MGAT5: variants seen among roughly 807,000 people sequenced by gnomAD.
The protein encoded by MGAT5 is alpha-1,6-mannosylglycoprotein 6-beta-N-acetylglucosaminyltransferase A.
In MGAT5, 30 loss-of-function variants were observed where a neutral mutation model predicts 94.3. The ratio of observed to expected loss-of-function variants is 0.32; its 90% CI spans 0.24 to 0.43. The LOEUF (loss-of-function observed/expected upper bound fraction) is 0.43. Among genes scored for constraint, MGAT5 ranks in the 20% least tolerant of loss-of-function variants. The pLI is 1.00. For missense variants in MGAT5, 691 were observed against 905.5 expected (o/e 0.76, Z 3.04); for synonymous variants, 310 against 322.9 (o/e 0.96, Z 0.43).
intron 1 of MGAT5, among the ~76,000 whole-genome samples, chr2:134,202,397 T>A (rs534177835): frequency 9.7e-4 from 148 of 152,348 alleles, no homozygotes; most frequent in African/African-American, 3.1e-3. Flanking sequence ...AGAAATGGCA[T>A]CTATGAAGCA....
At chr2:134,342,719 TAAAAA>T (rs3838499) in intron 7 of MGAT5, among the ~76,000 whole-genome samples, 1 of 138,780 alleles carries the variant, frequency 7.2e-6, no homozygotes, top group African/African-American at 2.7e-5. Flanking sequence ...GTCTCTGTCT[TAAAAA>T]AAAAAAAAAA....
rs75457676 is a variant in MGAT5, at chr2:134,339,484, A to C, written c.807+1064A>C. The stretch of plus-strand genomic sequence containing the variant: ...TTATTTTGATAAACTAAAATTAAAA[A>C]TAAAGGAGATGGTGATGATGGTTGC... On this transcript the variant is annotated intron_variant, in intron 6 of 15. Transcript: ENST00000281923. 5.4e-3 allele frequency among the ~76,000 whole-genome samples: 815 copies of C among 152,324 alleles called. 9 individuals carry two copies. Among genetic ancestry groups the C allele is most frequent in the African/African-American group, 0.019 (774 of 41,582 alleles).
intron 2 of MGAT5, among the ~76,000 whole-genome samples, chr2:134,277,352 CAG>C (rs568466326): frequency 3.7e-4 from 56 of 152,234 alleles, no homozygotes; most frequent in African/African-American, 1.2e-3. Context: ...TTAACTGACT[CAG>C]AGTTCCACAT....
intron 2 of MGAT5, among the ~76,000 whole-genome samples, chr2:134,305,681 CCT>C (rs1432793777): frequency 6.6e-6 from 1 of 152,106 alleles, no homozygotes; most frequent in African/African-American, 2.4e-5. Flanking sequence ...AAAAATCAAA[CCT>C]CTCTTTGAGA....
intron 11 of MGAT5, among the ~76,000 whole-genome samples, chr2:134,407,400 C>A (rs1436517127): frequency 6.9e-6 from 1 of 143,962 alleles, no homozygotes; most frequent in Non-Finnish European, 1.5e-5. Flanking sequence ...TCCTTCCCTC[C>A]CCCTTATCTA....
Position 134,318,668 on chromosome 2 carries a change from C to G in MGAT5, c.502C>G (p.Arg168Gly). The change falls in exon 4 of 16, where the codon CGT becomes GGT. Residue 168 changes from arginine to glycine, a missense_variant. This residue lies in a region of MGAT5 where 307 missense variants were observed against 335.4 expected (regional missense o/e 0.92). Transcript: ENST00000281923. ...GKIKWMKDMW[R>G]SDPCYADYGV... ...GTTTCAGTGGATGAAAGACATGTGG[C>G]GTTCAGATCCCTGCTACGCAGACTA... 6.2e-7 allele frequency: 1 copy of G among 1,613,194 alleles called. No individual in the cohort carries two copies. The highest frequency in any genetic ancestry group is 8.5e-7 in the Non-Finnish European group (1 of 1,179,274).
At chr2:134,285,679 T>G (rs1442906978) in intron 2 of MGAT5, among the ~76,000 whole-genome samples, 2 of 152,236 alleles carry the variant, frequency 1.3e-5, no homozygotes, top group Admixed American at 6.5e-5. Flanking sequence ...CTTCTAACTC[T>G]TGTTTCTTCC....
intron 11 of MGAT5, among the ~76,000 whole-genome samples, 170 bp from the exon 12 acceptor site, chr2:134,412,699 G>A (rs1213291680): frequency 6.6e-6 from 1 of 152,086 alleles, no homozygotes; most frequent in Non-Finnish European, 1.5e-5. Flanking sequence ...TCAGATCCTG[G>A]TGTAAGCTGA....
intron 2 of MGAT5, among the ~76,000 whole-genome samples, chr2:134,290,614 G>A (rs1196317899): frequency 1.3e-5 from 2 of 152,342 alleles, no homozygotes; most frequent in East Asian, 3.9e-4. Flanking sequence ...CTCCATGGCT[G>A]GTTTTACTTT....
intron 2 of MGAT5, among the ~76,000 whole-genome samples, chr2:134,281,277 A>G (rs11686546): frequency 0.1 from 15,614 of 152,192 alleles, 914 homozygotes; most frequent in South Asian, 0.26. Flanking sequence ...AGCAGTGGTC[A>G]CAAACATAAC....
At chr2:134,129,912 G>A (rs550645597) in intron 1 of MGAT5, among the ~76,000 whole-genome samples, 1 of 152,290 alleles carries the variant, frequency 6.6e-6, no homozygotes, top group South Asian at 2.1e-4. Flanking sequence ...GACCGCAGCC[G>A]GCTCCCTCTG....
chr2:134,389,542 C>T (rs952116308), intron 10 of MGAT5, among the ~76,000 whole-genome samples: 3 of 152,214 alleles, frequency 2.0e-5, no homozygotes, highest in African/African-American at 7.2e-5. Context: ...GACCAACCAG[C>T]TAGATAGGTT....
intron 1 of MGAT5, among the ~76,000 whole-genome samples, chr2:134,263,886 C>T (rs1267960872): frequency 6.7e-6 from 1 of 150,136 alleles, no homozygotes; most frequent in Non-Finnish European, 1.5e-5. Context: ...CAGATCTTAC[C>T]AGATAAAATT....
chr2:134,131,571 GATTTTTT>G (rs1686168394), intron 1 of MGAT5, among the ~76,000 whole-genome samples: 1 of 101,818 alleles, frequency 9.8e-6, no homozygotes, highest in South Asian at 3.4e-4. Flanking sequence ...GTGGTAGATT[GATTTTTT>G]TTTTTTTTTT....
intron 1 of MGAT5, among the ~76,000 whole-genome samples, chr2:134,161,677 G>A (rs901944698): frequency 3.9e-4 from 60 of 152,246 alleles, no homozygotes; most frequent in African/African-American, 1.3e-3. Context: ...TTTTCATGGG[G>A]TTGTCATATT....
chr2:134,399,493 A>G (rs568652629), intron 10 of MGAT5, among the ~76,000 whole-genome samples: 93 of 152,294 alleles, frequency 6.1e-4, no homozygotes, highest in African/African-American at 1.8e-3. Flanking sequence ...TTAAGTTTTA[A>G]TCAGTTAGAT....
At chr2:134,376,192 G>C (rs1681159873) in intron 10 of MGAT5, among the ~76,000 whole-genome samples, 1 of 152,202 alleles carries the variant, frequency 6.6e-6, no homozygotes, top group African/African-American at 2.4e-5. Context: ...GAGGAAACCA[G>C]GCTCTGGGAG....
At chr2:134,193,712 T>A (rs1365400085) in intron 1 of MGAT5, among the ~76,000 whole-genome samples, 1 of 150,376 alleles carries the variant, frequency 6.6e-6, no homozygotes, top group East Asian at 1.9e-4. Flanking sequence ...TGTGTGTGTG[T>A]GTGTGTGTGT....
intron 1 of MGAT5, among the ~76,000 whole-genome samples, chr2:134,170,545 C>T (rs993749391): frequency 1.3e-5 from 2 of 152,122 alleles, no homozygotes; most frequent in African/African-American, 4.8e-5. Flanking sequence ...GAATTGGCTT[C>T]GTTTGGATTA....
Sources: gnomAD v4.1 joint callset for allele counts (sites outside exome capture counted in the v4.1 genomes callset) on GRCh38, gnomAD v4.1.1 for gene constraint, gnomAD v4.1.1 regional missense constraint, MANE v1.5 for transcripts, NCBI Gene and HGNC (gene_info 2026-07-23, HGNC 2026-07-21) for gene names.